The following RFC4 variants were observed in gnomAD, a reference collection of about 807,000 sequenced individuals.
RFC4 encodes the protein replication factor C subunit 4, also known as A1 37 kDa subunit.
In RFC4, 38 loss-of-function variants were observed where a neutral mutation model predicts 47.6. The ratio of observed to expected loss-of-function variants is 0.80; its 90% CI spans 0.62 to 1.05. RFC4 has a LOEUF of 1.05. Among genes scored for constraint, RFC4 ranks in the 50% least tolerant of loss-of-function variants. The probability of loss-of-function intolerance (pLI) is 0.00; values close to 1 mark genes in which losing one functional copy is unlikely to be tolerated. For synonymous variants in RFC4, 164 were observed against 150.0 expected (o/e 1.09, Z -0.68); for missense variants, 489 against 434.0 (o/e 1.13, Z -1.13).
At chr3:186,797,864 T>G (rs1161089747) in intron 3 of RFC4, among the ~76,000 whole-genome samples, 1 of 152,268 alleles carries the variant, frequency 6.6e-6, no homozygotes, top group African/African-American at 2.4e-5. Flanking sequence ...TATTTATGCT[T>G]GCTCTATAGC....
intron 2 of RFC4, chr3:186,801,464 T>C (rs113146276): frequency 1.7e-5 from 7 of 408,038 alleles, no homozygotes; most frequent in African/African-American, 8.2e-5. Flanking sequence ...AAGGATTTTA[T>C]TTTATATGCT....
Position 186,793,022 on chromosome 3 carries a change from G to A in RFC4, c.411-75C>T, listed in dbSNP as rs764645027. 3.3e-4 allele frequency: 394 copies of A among 1,209,614 alleles called. No homozygotes were observed. The highest frequency in any genetic ancestry group is 4.2e-4 in the Non-Finnish European group (366 of 861,602). The allele number at this position is 1,209,614 out of a possible 1,614,324, so 74.9% of individuals were successfully genotyped here. A position where few individuals can be genotyped will look rare whatever the true frequency, so the allele number is the denominator to read the frequency against. ...TTAACAGCTTTGTTGAAAGATACAC[G>A]TACCATACAATTCACCCATTTAAAA... On this transcript the variant is annotated intron_variant, in intron 5 of 10. Coordinates refer to ENST00000296273, the MANE Select transcript of RFC4 (RefSeq NM_002916.5). The surrounding 1 kb of genome is among the most constrained non-coding windows in gnomAD (Gnocchi z 4.2).
intron 2 of RFC4, among the ~76,000 whole-genome samples, chr3:186,802,767 A>G (rs1255186204): frequency 6.6e-6 from 1 of 152,122 alleles, no homozygotes; most frequent in Non-Finnish European, 1.5e-5. Context: ...GGAATCCAGT[A>G]TATGTTATAA....
At chr3:186,790,477 C>T (rs1328845596) in intron 8 of RFC4, 71 bp from the exon 9 acceptor site, 3 of 1,058,690 alleles carry the variant, frequency 2.8e-6, no homozygotes, top group Non-Finnish European at 3.0e-6. Context: ...CCAACTGGCC[C>T]CCGTGCCCCC....
chr3:186,798,852 T>C (rs953947389), intron 3 of RFC4, among the ~76,000 whole-genome samples: 5 of 152,236 alleles, frequency 3.3e-5, no homozygotes, highest in Non-Finnish European at 2.9e-5. Context: ...GTAAAATGCC[T>C]GTCTACTTCA....
chr3:186,791,843 G>A lies in RFC4; in HGVS notation c.683C>T (p.Ala228Val). ...TCCTTCTGACACTTTAACAAGATAA[G>A]CTATTCCCTGAAGAGAAAAGAGTTG... ...ENVKISDEGI[A>V]YLVKVSEGDL... The change falls in exon 8 of 11, where the codon GCT (alanine) becomes GTT (valine). Residue 228 changes from alanine to valine, a missense_variant. This residue lies in a region of RFC4 where 283 missense variants were observed against 176.2 expected (regional missense o/e 1.61). Transcript: ENST00000296273. 1.2e-6 allele frequency: 2 copies of A among 1,611,750 alleles called. No individual in the cohort carries two copies. The highest frequency in any genetic ancestry group is 1.7e-6 in the Non-Finnish European group (2 of 1,178,268).
At chr3:186,802,392 G>A (rs988545219) in intron 2 of RFC4, among the ~76,000 whole-genome samples, 14 of 152,120 alleles carry the variant, frequency 9.2e-5, no homozygotes, top group Admixed American at 3.3e-4. Flanking sequence ...GATGAAAAGG[G>A]AAAACCATTT....
intron 8 of RFC4, chr3:186,791,282 C>T (rs776121749): frequency 9.8e-5 from 18 of 183,178 alleles, no homozygotes; most frequent in Non-Finnish European, 2.1e-4. Context: ...GTCAGGAGTT[C>T]CATACCAGCC....
chr3:186,790,516 A>G lies in RFC4; in HGVS notation c.802-110T>C, dbSNP rs1299444738. 9 of 787,692 alleles carry G rather than the reference A, an allele frequency of 1.1e-5. No homozygotes were observed. The East Asian group carries it at 1.5e-4, about 14-fold the overall frequency. The allele number at this position is 787,692 out of a possible 1,614,324, so 48.8% of individuals were successfully genotyped here. A position where few individuals can be genotyped will look rare whatever the true frequency, so the allele number is the denominator to read the frequency against. Reference sequence around the variant, plus strand: ...CATTTCTGTTCCACACCTAAGTTCCATACTTTCCTGGGAAGGCTTTGGGAG... The same window carrying G: ...CATTTCTGTTCCACACCTAAGTTCCGTACTTTCCTGGGAAGGCTTTGGGAG... On this transcript the variant is annotated intron_variant, in intron 8 of 10. Coordinates refer to ENST00000296273, the MANE Select transcript of RFC4 (RefSeq NM_002916.5).
chr3:186,797,978 T>C (rs574419990), intron 3 of RFC4, among the ~76,000 whole-genome samples: 30 of 152,146 alleles, frequency 2.0e-4, no homozygotes, highest in Non-Finnish European at 3.7e-4. Context: ...TTAGGTAAGA[T>C]TTTATATTAC....
At chr3:186,805,041 T>C (rs1722447265) in intron 1 of RFC4, among the ~76,000 whole-genome samples, 1 of 152,116 alleles carries the variant, frequency 6.6e-6, no homozygotes, top group East Asian at 1.9e-4. Context: ...TCCAAATGCA[T>C]TGATAAATAT....
intron 8 of RFC4, 22 bp from the exon 9 acceptor site, chr3:186,790,428 A>G: frequency 6.4e-7 from 1 of 1,555,034 alleles, no homozygotes; most frequent in Non-Finnish European, 8.9e-7. Context: ...AATGTTCGGT[A>G]TTAAAGATGT....
In RFC4 at chr3:186,793,671, G is replaced by A. The variant is rs1463958832; in HGVS notation, c.411-724C>T. On this transcript the variant is annotated intron_variant, in intron 5 of 10. Transcript: ENST00000296273. The surrounding 1 kb of genome is among the most constrained non-coding windows in gnomAD (Gnocchi z 4.2). ...CCCAAATGGATAATGATGTTGATGA[G>A]CATCTTTTAATGTGCTTATTACACA... Among the ~76,000 whole-genome samples, 5 of 151,286 alleles carry A rather than the reference G, an allele frequency of 3.3e-5. No individual in the cohort carries two copies. The highest frequency in any genetic ancestry group is 7.4e-5 in the Non-Finnish European group (5 of 67,940).
Position 186,793,026 on chromosome 3 carries a change from C to A in RFC4, c.411-79G>T. On this transcript the variant is annotated intron_variant, in intron 5 of 10. Transcript: ENST00000296273. The surrounding 1 kb of genome is among the most constrained non-coding windows in gnomAD (Gnocchi z 4.2). ...CAGCTTTGTTGAAAGATACACGTAC[C>A]ATACAATTCACCCATTTAAAATGTA... 1 of 1,151,508 alleles carries A rather than the reference C, an allele frequency of 8.7e-7. No homozygotes were observed. Among genetic ancestry groups the A allele is most frequent in the South Asian group, 1.6e-5 (1 of 63,334 alleles). 71.3% of individuals were successfully genotyped at this position (1,151,508 alleles called of 1,614,324 possible).
At chr3:186,801,376 C>T in intron 2 of RFC4, 181 bp from the exon 3 acceptor site, 2 of 592,756 alleles carry the variant, frequency 3.4e-6, no homozygotes, top group Non-Finnish European at 6.0e-6. Context: ...TAACCAAACA[C>T]ATTCTGAAAG....
chr3:186,798,218 T>C (rs1722281178), intron 3 of RFC4, among the ~76,000 whole-genome samples: 1 of 152,178 alleles, frequency 6.6e-6, no homozygotes, highest in Non-Finnish European at 1.5e-5. Flanking sequence ...TCAGGGAGAA[T>C]TCATTAGAAG....
At chr3:186,802,551 A>G (rs942573963) in intron 2 of RFC4, among the ~76,000 whole-genome samples, 1 of 152,090 alleles carries the variant, frequency 6.6e-6, no homozygotes, top group Non-Finnish European at 1.5e-5. Flanking sequence ...CAAAAACAAC[A>G]AGCTGAACCA....
intron 4 of RFC4, among the ~76,000 whole-genome samples, chr3:186,795,648 C>T (rs1297167474): frequency 2.0e-5 from 3 of 152,048 alleles, no homozygotes; most frequent in Non-Finnish European, 2.9e-5. Flanking sequence ...CAAAAATTAG[C>T]TGGGCGTGGT....
chr3:186,795,704 G>A (rs1347141069), intron 4 of RFC4, among the ~76,000 whole-genome samples: 1 of 152,086 alleles, frequency 6.6e-6, no homozygotes. Context: ...GAGGCAGGAG[G>A]ATTGCTTGAA....
Sources: gnomAD v4.1 joint callset for allele counts (sites outside exome capture counted in the v4.1 genomes callset) on GRCh38, gnomAD v4.1.1 for gene constraint, gnomAD v4.1.1 regional missense constraint, Gnocchi (gnomAD v3.1) non-coding constraint, MANE v1.5 for transcripts, NCBI Gene and HGNC (gene_info 2026-07-23, HGNC 2026-07-21) for gene names.